Variants in ZNF804A observed in about 807,000 individuals in gnomAD.
ZNF804A encodes the protein zinc finger protein 804A.
In ZNF804A, 2 loss-of-function variants were observed where a neutral mutation model predicts 16.5. The observed-to-expected ratio is 0.12, with a 90% CI of 0.05 to 0.38. The LOEUF is 0.38. ZNF804A is among the 10% of genes least tolerant of loss of function. The pLI is 0.99. For synonymous variants in ZNF804A, 534 were observed against 489.6 expected (o/e 1.09, Z -1.20); for missense variants, 1,473 against 1,390.7 (o/e 1.06, Z -0.94).
At chr2:184,685,052 C>T (rs1034821327) in intron 1 of ZNF804A, among the ~76,000 whole-genome samples, 60 of 152,208 alleles carry the variant, frequency 3.9e-4, no homozygotes, top group African/African-American at 1.4e-3. Context: ...CCTACACCTG[C>T]CAAGATTGAG....
In ZNF804A at chr2:184,677,287, C is replaced by T. The variant is rs138606053; in HGVS notation, c.111+78217C>T. ...GGTTGTCATTCTTGATGTTGATTGT[C>T]GTCATCACATCCAGGCCATATAGTA... is the stretch of plus-strand genomic sequence containing the variant. On this transcript the variant is annotated intron_variant, in intron 1 of 3. Transcript: ENST00000302277. Among the ~76,000 whole-genome samples, 72 of 151,934 alleles carry T rather than the reference C, an allele frequency of 4.7e-4. 1 individual carries two copies. The East Asian group carries it at 0.014, about 29-fold the overall frequency.
At chr2:184,772,624 T>C (rs1694233265) in intron 1 of ZNF804A, among the ~76,000 whole-genome samples, 1 of 151,818 alleles carries the variant, frequency 6.6e-6, no homozygotes, top group Non-Finnish European at 1.5e-5. Context: ...TTTGAATCTT[T>C]TGAGTATGTA....
chr2:184,789,774 C>G (rs1263598817), intron 1 of ZNF804A, among the ~76,000 whole-genome samples: 1 of 151,998 alleles, frequency 6.6e-6, no homozygotes, highest in African/African-American at 2.4e-5. Context: ...TTTCAAGAAA[C>G]CAACTTTTAG....
At chr2:184,891,260 G>C (rs1466956577) in intron 2 of ZNF804A, among the ~76,000 whole-genome samples, 1 of 152,024 alleles carries the variant, frequency 6.6e-6, no homozygotes, top group Admixed American at 6.6e-5. Context: ...CTAAAATATG[G>C]TTAAATATTT....
intron 1 of ZNF804A, among the ~76,000 whole-genome samples, chr2:184,635,183 T>C (rs1382128629): frequency 3.3e-5 from 5 of 152,168 alleles, no homozygotes; most frequent in Non-Finnish European, 7.4e-5. Context: ...GAGCAAATAA[T>C]ATATATACAT....
chr2:184,898,162 C>T (rs750002019), intron 2 of ZNF804A, among the ~76,000 whole-genome samples: 1 of 152,132 alleles, frequency 6.6e-6, no homozygotes, highest in Admixed American at 6.5e-5. Context: ...ATACTTAACC[C>T]TGTGTTATTA....
At chr2:184,660,152 T>C (rs1014823539) in intron 1 of ZNF804A, among the ~76,000 whole-genome samples, 1 of 152,200 alleles carries the variant, frequency 6.6e-6, no homozygotes, top group African/African-American at 2.4e-5. Flanking sequence ...TGCTCATTAG[T>C]AGTTTTAATG....
chr2:184,836,695 A>T (rs1695351528), intron 1 of ZNF804A, among the ~76,000 whole-genome samples: 1 of 148,068 alleles, frequency 6.8e-6, no homozygotes, highest in African/African-American at 2.5e-5. Flanking sequence ...ATATATATAT[A>T]TATTTTTTTT....
intron 1 of ZNF804A, among the ~76,000 whole-genome samples, chr2:184,724,568 GTAT>G (rs1559135609): frequency 6.6e-6 from 1 of 151,368 alleles, no homozygotes; most frequent in Non-Finnish European, 1.5e-5. Flanking sequence ...AGATACTACT[GTAT>G]TATTAGATCG....
Position 184,714,596 on chromosome 2 carries a change from C to T in ZNF804A, c.111+115526C>T, listed in dbSNP as rs116713025. ...AAGTGCTAAGAAAGCATTCAGAGAA[C>T]AGTGAATGTGAAGAGTGGCTTGGTT... On this transcript the variant is annotated intron_variant, in intron 1 of 3. Transcript: ENST00000302277. Among the ~76,000 whole-genome samples, 1,378 of 152,100 alleles carry T rather than the reference C, an allele frequency of 9.1e-3. 22 individuals carry two copies. The highest frequency in any genetic ancestry group is 0.032 in the African/African-American group (1,318 of 41,518).
At chr2:184,673,396 T>C (rs1388921856) in intron 1 of ZNF804A, among the ~76,000 whole-genome samples, 1 of 152,218 alleles carries the variant, frequency 6.6e-6, no homozygotes, top group African/African-American at 2.4e-5. Context: ...CAATTCAAGT[T>C]ACACATTTAC....
At chr2:184,609,609 G>A (rs1047117638) in intron 1 of ZNF804A, among the ~76,000 whole-genome samples, 2 of 152,188 alleles carry the variant, frequency 1.3e-5, no homozygotes, top group African/African-American at 4.8e-5. Flanking sequence ...CATATCTGGC[G>A]AGGACCTGCT....
chr2:184,937,000 G>A lies in ZNF804A; in HGVS notation c.1604G>A (p.Ser535Asn), dbSNP rs1685801712. 3 of 1,613,488 alleles carry A rather than the reference G, an allele frequency of 1.9e-6. No individual in the cohort carries two copies. The South Asian group carries it at 3.3e-5, about 18-fold the overall frequency. The change falls in exon 4 of 4, where the codon AGT becomes AAT. Residue 535 changes from serine (S) to asparagine (N), a missense_variant. Ser to Asn is a conservative substitution (Grantham distance 46, BLOSUM62 1). Coordinates refer to ENST00000302277, the MANE Select transcript of ZNF804A (RefSeq NM_194250.2). The stretch of plus-strand genomic sequence containing the variant: ...TTGGCTGATGATATTCTCTCCAGTA[G>A]TTGTGATTCTGGAAAAAATGAGAAC... ...PLLADDILSS[S>N]CDSGKNENTG... is the part of the protein sequence containing the mutation.
chr2:184,618,348 T>G (rs966202376), intron 1 of ZNF804A, among the ~76,000 whole-genome samples: 1 of 152,158 alleles, frequency 6.6e-6, no homozygotes, highest in African/African-American at 2.4e-5. Context: ...TTCAGGTTTG[T>G]TTTTCACCTT....
chr2:184,659,364 G>T (rs1692130062), intron 1 of ZNF804A, among the ~76,000 whole-genome samples: 1 of 151,874 alleles, frequency 6.6e-6, no homozygotes, highest in Non-Finnish European at 1.5e-5. Flanking sequence ...GTAATATTTG[G>T]CATTTATCAA....
chr2:184,930,809 T>G (rs1487083113), intron 2 of ZNF804A, among the ~76,000 whole-genome samples: 2 of 152,240 alleles, frequency 1.3e-5, no homozygotes, highest in Non-Finnish European at 2.9e-5. Context: ...TAAGTGCATA[T>G]GTATATGGTA....
At chr2:184,652,017 C>T (rs1178624391) in intron 1 of ZNF804A, among the ~76,000 whole-genome samples, 3 of 152,000 alleles carry the variant, frequency 2.0e-5, no homozygotes, top group Non-Finnish European at 4.4e-5. Context: ...TTCACAATAG[C>T]AAAGATATGC....
At chr2:184,654,983 G>A (rs1692050900) in intron 1 of ZNF804A, among the ~76,000 whole-genome samples, 1 of 152,152 alleles carries the variant, frequency 6.6e-6, no homozygotes, top group South Asian at 2.1e-4. Context: ...ACCATGGCTA[G>A]CTAACAGGAA....
chr2:184,921,930 G>T (rs563485899), intron 2 of ZNF804A, among the ~76,000 whole-genome samples: 2 of 152,144 alleles, frequency 1.3e-5, no homozygotes, highest in African/African-American at 2.4e-5. Context: ...CCATCCATGT[G>T]GTTGCAAATG....
Sources: gnomAD v4.1 joint callset for allele counts (sites outside exome capture counted in the v4.1 genomes callset) on GRCh38, gnomAD v4.1.1 for gene constraint, MANE v1.5 for transcripts, NCBI Gene and HGNC (gene_info 2026-07-23, HGNC 2026-07-21) for gene names.